LARGE1: variants seen among roughly 807,000 people sequenced by gnomAD.
LARGE1 encodes xylosyl- and glucuronyltransferase LARGE1.
In LARGE1, 43 loss-of-function variants were observed where a neutral mutation model predicts 87.6. That is an observed-to-expected ratio of 0.49 (90% confidence interval 0.38 to 0.63). The LOEUF (loss-of-function observed/expected upper bound fraction) is 0.63, where lower values mean the gene tolerates loss of function less well. Among genes scored for constraint, LARGE1 ranks in the 30% least tolerant of loss-of-function variants. The pLI is 0.00. For synonymous variants in LARGE1, 434 were observed against 394.6 expected (o/e 1.10, Z -1.18); for missense variants, 802 against 1,000.2 (o/e 0.80, Z 2.67).
chr22:33,273,595 C>G lies in LARGE1; in HGVS notation c.*832G>C. The G allele has an allele frequency of 2.5e-6, 1 of 398,786 alleles. No homozygotes were observed. 24.7% of individuals were successfully genotyped at this position (398,786 alleles called of 1,614,324 possible). A position where few individuals can be genotyped will look rare whatever the true frequency, so the allele number is the denominator to read the frequency against. On this transcript the variant is annotated 3_prime_UTR_variant, in exon 15 of 15. Coordinates refer to ENST00000397394, the MANE Select transcript of LARGE1 (RefSeq NM_133642.5). ...TCCCCATCGCTATAGCCCCTGGATTCTGGAGAGTAGGGAGTTCAAAGTCAC... is the reference window on the plus strand; with the variant it reads ...TCCCCATCGCTATAGCCCCTGGATTGTGGAGAGTAGGGAGTTCAAAGTCAC...
chr22:33,359,228 G>A (rs2064291617), intron 9 of LARGE1, among the ~76,000 whole-genome samples: 1 of 152,162 alleles, frequency 6.6e-6, no homozygotes, highest in East Asian at 1.9e-4. Flanking sequence ...TGCTGTATCA[G>A]AGGAAAATGC....
chr22:33,809,230 C>G (rs2086414248), intron 1 of LARGE1, among the ~76,000 whole-genome samples: 1 of 151,268 alleles, frequency 6.6e-6, no homozygotes, highest in Admixed American at 6.6e-5. Flanking sequence ...CGAGATTGCG[C>G]CACTGCACAC....
chr22:33,245,400 C>T (rs1025368083), intron 11 of LARGE1, among the ~76,000 whole-genome samples: 2 of 152,206 alleles, frequency 1.3e-5, no homozygotes, highest in East Asian at 3.8e-4. Context: ...CAAAATTCAA[C>T]AAGCAAAGTG....
intron 5 of LARGE1, among the ~76,000 whole-genome samples, chr22:33,593,224 G>A (rs541428807): frequency 6.9e-4 from 105 of 151,178 alleles, no homozygotes; most frequent in African/African-American, 2.5e-3. Context: ...GATTTTCTTG[G>A]TAGAGACGGG....
rs772176417 is a variant in LARGE1, at chr22:33,626,346, G to C, written c.409-20C>G. On this transcript the variant is annotated intron_variant, in intron 3 of 14. Coordinates refer to ENST00000397394, the MANE Select transcript of LARGE1 (RefSeq NM_133642.5). The stretch of plus-strand genomic sequence containing the variant: ...GATTGTCTGGGAAGAAAAGAAGACG[G>C]GGTGAGCAGTCAGACAGACGGAAGG... 1.9e-6 allele frequency: 3 copies of C among 1,605,230 alleles called. No individual in the cohort carries two copies. The highest frequency in any genetic ancestry group is 1.7e-6 in the Non-Finnish European group (2 of 1,172,012).
intron 9 of LARGE1, among the ~76,000 whole-genome samples, chr22:33,344,584 C>G (rs1215091533): frequency 6.6e-6 from 1 of 152,166 alleles, no homozygotes; most frequent in Non-Finnish European, 1.5e-5. Flanking sequence ...GGCCACTGCT[C>G]TTTCCACTAA....
At chr22:33,139,478 A>G in the LARGE1 span, among the ~76,000 whole-genome samples, 4 of 151,030 alleles carry the variant, frequency 2.6e-5, no homozygotes, top group African/African-American at 9.8e-5. Flanking sequence ...ATTTTCCCTC[A>G]TTCTTTTTTT....
chr22:33,472,449 G>A (rs1430641200), intron 6 of LARGE1, among the ~76,000 whole-genome samples: 1 of 152,144 alleles, frequency 6.6e-6, no homozygotes, highest in African/African-American at 2.4e-5. Flanking sequence ...GGTTTCCAAT[G>A]AGAGCAGGAC....
chr22:33,384,630 A>C (rs540060348), intron 7 of LARGE1, among the ~76,000 whole-genome samples: 1 of 148,868 alleles, frequency 6.7e-6, no homozygotes, highest in Non-Finnish European at 1.5e-5. Context: ...TGTTGGAAGG[A>C]GTAAGTGATG....
chr22:33,861,860 CTTTTTT>C (rs59657748), intron 1 of LARGE1, among the ~76,000 whole-genome samples: 11 of 117,242 alleles, frequency 9.4e-5, no homozygotes, highest in Non-Finnish European at 1.5e-4. Flanking sequence ...CCCAGACATT[CTTTTTT>C]TTTTTTTTTT....
chr22:33,865,204 A>G (rs894586074), intron 1 of LARGE1, among the ~76,000 whole-genome samples: 1 of 152,182 alleles, frequency 6.6e-6, no homozygotes, highest in Non-Finnish European at 1.5e-5. Flanking sequence ...CCCATCTTCA[A>G]GAAGGGAAGG....
intron 1 of LARGE1, among the ~76,000 whole-genome samples, chr22:33,899,169 G>T (rs2065220926): frequency 6.6e-6 from 1 of 152,106 alleles, no homozygotes; most frequent in Admixed American, 6.6e-5. Context: ...GTACAAGGCG[G>T]CCATATAACA....
chr22:33,277,245 A>G lies in LARGE1; in HGVS notation c.1888T>C (p.Trp630Arg), dbSNP rs758140265. 4 of 1,614,090 alleles carry G rather than the reference A, an allele frequency of 2.5e-6. No homozygotes were observed. The African/African-American group carries it at 5.3e-5, about 22-fold the overall frequency. ...TTTGTGGGTGCGTGGCCTTTCGTCC[A>G]GACGTGGTACCTGAGACACACGGAG... is the stretch of plus-strand genomic sequence containing the variant. Reference protein sequence around the residue: ...GTLFTFRYHVWTKGHAPTNFA... With the variant: ...GTLFTFRYHVRTKGHAPTNFA... The change falls in exon 14 of 15, where the codon TGG (tryptophan) becomes CGG (arginine). Residue 630 changes from tryptophan (W) to arginine (R), a missense_variant. Physicochemically the swap from Trp to Arg is moderately radical, Grantham distance 101 (BLOSUM62 -3). Transcript: ENST00000397394.
At chr22:33,148,150 C>T in the LARGE1 span, among the ~76,000 whole-genome samples, 1 of 152,150 alleles carries the variant, frequency 6.6e-6, no homozygotes, top group African/African-American at 2.4e-5. Flanking sequence ...TGGAATGACC[C>T]TCTACAGATG....
At chr22:33,594,619 T>C (rs1198516102) in intron 5 of LARGE1, among the ~76,000 whole-genome samples, 3 of 152,232 alleles carry the variant, frequency 2.0e-5, no homozygotes, top group Non-Finnish European at 4.4e-5. Context: ...TTTGTTTTTG[T>C]TTTTTAGATG....
At chr22:33,105,004 T>C in the LARGE1 span, among the ~76,000 whole-genome samples, 2 of 149,238 alleles carry the variant, frequency 1.3e-5, no homozygotes, top group Admixed American at 6.6e-5. Flanking sequence ...CTCTCTCTCT[T>C]TCTTTCTTTT....
At chr22:33,524,286 C>CAT (rs57319725) in intron 6 of LARGE1, among the ~76,000 whole-genome samples, 3 of 147,140 alleles carry the variant, frequency 2.0e-5, no homozygotes, top group Admixed American at 6.8e-5. Context: ...GTGAGACTCC[C>CAT]CTCAAAAAAA....
intron 2 of LARGE1, among the ~76,000 whole-genome samples, chr22:33,737,062 C>A (rs991152967): frequency 6.6e-6 from 1 of 152,114 alleles, no homozygotes; most frequent in Non-Finnish European, 1.5e-5. Context: ...GGATCCTCCC[C>A]TCTCTTCACA....
At chr22:33,799,805 CTT>C (rs907118755) in intron 1 of LARGE1, among the ~76,000 whole-genome samples, 2 of 152,114 alleles carry the variant, frequency 1.3e-5, no homozygotes, top group East Asian at 1.9e-4. Flanking sequence ...AGGAAGAAGA[CTT>C]TGTGTATTGG....
Sources: gnomAD v4.1 joint callset for allele counts (sites outside exome capture counted in the v4.1 genomes callset) on GRCh38, gnomAD v4.1.1 for gene constraint, MANE v1.5 for transcripts, NCBI Gene and HGNC (gene_info 2026-07-23, HGNC 2026-07-21) for gene names.